DGKQ: variants seen among roughly 807,000 people sequenced by gnomAD.
DGKQ encodes diacylglycerol kinase theta, also known as DAG kinase theta.
In DGKQ, 97 loss-of-function variants were observed where a neutral mutation model predicts 104.2. The observed-to-expected ratio is 0.93, with a 90% confidence interval of 0.79 to 1.10. The LOEUF is 1.10. Among genes scored for constraint, DGKQ ranks in the 50% least tolerant of loss-of-function variants. DGKQ has a pLI of 0.00. For missense variants in DGKQ, 1,465 were observed against 1,352.1 expected (o/e 1.08, Z -1.31); for synonymous variants, 736 against 595.2 (o/e 1.24, Z -3.44).
intron 17 of DGKQ, 40 bp from the exon 18 acceptor site, chr4:962,653 C>T (rs944481463): frequency 6.3e-7 from 1 of 1,595,410 alleles, no homozygotes; most frequent in South Asian, 1.1e-5. Flanking sequence ...TCCACACCCA[C>T]CCGCCCATCA....
chr4:967,201 G>A lies in DGKQ; in HGVS notation c.1148C>T (p.Thr383Met), dbSNP rs901400251. ...AGCCCGGATGACCCAGGCCTCTGGCGTGGCCTCGCCGGACCCGGGGCTTCT... is the reference window on the plus strand; with the variant it reads ...AGCCCGGATGACCCAGGCCTCTGGCATGGCCTCGCCGGACCCGGGGCTTCT... ...EGRSPGSGEA[T>M]PEAWVIRALP... The change falls in exon 9 of 23, where the codon ACG (threonine) becomes ATG (methionine). Residue 383 changes from threonine (T) to methionine (M), a missense_variant. Physicochemically the swap from Thr to Met is moderately conservative, Grantham distance 81. Coordinates refer to ENST00000273814, the MANE Select transcript of DGKQ (RefSeq NM_001347.4). 5.6e-6 allele frequency: 9 copies of A among 1,593,288 alleles called. No individual in the cohort carries two copies. Among genetic ancestry groups the A allele is most frequent in the African/African-American group, 2.7e-5 (2 of 74,762 alleles).
At chr4:965,459 C>T (rs1237945507) in intron 14 of DGKQ, 32 bp downstream of exon 14, 1 of 1,606,312 alleles carries the variant, frequency 6.2e-7, no homozygotes. Flanking sequence ...ACCCCTGGGC[C>T]TCATGTGACC....
At chr4:964,005 G>C (rs1282185375) in intron 15 of DGKQ, 1 of 154,638 alleles carries the variant, frequency 6.5e-6, no homozygotes, top group Non-Finnish European at 1.5e-5. Flanking sequence ...GCCGTGGCTG[G>C]GGGCAAGGAC....
chr4:959,394 G>A lies in DGKQ; in HGVS notation c.*1226C>T, dbSNP rs1711691895. ...CACCGTGGGACCGTTTCTCGTGGGG[G>A]AGTCGGGGCTTCCCCACAGAGCGGG... On this transcript the variant is annotated 3_prime_UTR_variant, in exon 23 of 23. Transcript: ENST00000273814. The A allele has an allele frequency of 9.0e-6, 1 of 111,108 alleles. No homozygotes were observed. Among genetic ancestry groups the A allele is most frequent in the Admixed American group, 9.7e-5 (1 of 10,324 alleles). The allele number at this position is 111,108 out of a possible 1,614,324, so 6.9% of individuals were successfully genotyped here.
chr4:967,820 G>A lies in DGKQ; in HGVS notation c.812-18C>T, dbSNP rs1712539398. 4 of 1,582,472 alleles carry A rather than the reference G, an allele frequency of 2.5e-6. No homozygotes were observed. Among genetic ancestry groups the A allele is most frequent in the African/African-American group, 2.7e-5 (2 of 74,616 alleles). ...CCCCTCGCCTGCGGGTCGGGCACACGGACCCCTCATTCAGTGCGCAGCCCC... is the reference window on the plus strand; with the variant it reads ...CCCCTCGCCTGCGGGTCGGGCACACAGACCCCTCATTCAGTGCGCAGCCCC... On this transcript the variant is annotated intron_variant, in intron 6 of 22. Transcript: ENST00000273814.
At chr4:962,997 C>A in intron 16 of DGKQ, 77 bp from the exon 17 acceptor site, 1 of 1,529,202 alleles carries the variant, frequency 6.5e-7, no homozygotes, top group Non-Finnish European at 8.8e-7. Flanking sequence ...CTTCCAAGTG[C>A]CCGTCCTGGC....
chr4:973,155 CG>C, intron 1 of DGKQ, 56 bp downstream of exon 1: 1 of 1,431,134 alleles, frequency 7.0e-7, no homozygotes, highest in South Asian at 1.4e-5. Flanking sequence ...CTCAGGCTCC[CG>C]CCCACGGGGC....
At chr4:961,421 G>A (rs1189838707) in intron 21 of DGKQ, 46 bp downstream of exon 21, 5 of 1,541,614 alleles carry the variant, frequency 3.2e-6, no homozygotes, top group Admixed American at 1.9e-5. Context: ...GCGGGGACCG[G>A]GGACGCCCAC....
At position 961,786 on chromosome 4, in the gene DGKQ, A is replaced by G. The variant is rs763817126; in HGVS notation, c.2364T>C (p.Ser788=). The change falls in exon 20 of 23, where the codon AGT becomes AGC. Residue 788 remains serine, a synonymous_variant. Coordinates refer to ENST00000273814, the MANE Select transcript of DGKQ (RefSeq NM_001347.4). ...TCTGCTTGTGCAGGCTCCGAGAGTG[A>G]CTGATCTTCTGCAGCCCCACCCGCA... The part of the protein sequence containing the change: ...VYVRVGLQKI[S]HSRSLHKQIR... The G allele has an allele frequency of 1.9e-6, 3 of 1,610,880 alleles. No homozygotes were observed. The highest frequency in any genetic ancestry group is 1.7e-5 in the Admixed American group (1 of 59,804).
chr4:966,555 G>A (rs1378568053), intron 11 of DGKQ, 28 bp from the exon 12 acceptor site: 2 of 1,604,094 alleles, frequency 1.2e-6, no homozygotes, highest in Non-Finnish European at 1.7e-6. Context: ...CAGGCCGTCA[G>A]CACCCGGCTC....
chr4:961,157 C>T lies in DGKQ; in HGVS notation c.2619G>A (p.Gln873=), dbSNP rs754021551. Residue 873 remains glutamine, a synonymous_variant, in exon 22 of 23, where the codon CAG becomes CAA. Coordinates refer to ENST00000273814, the MANE Select transcript of DGKQ (RefSeq NM_001347.4). ...GGAGCGTGACTCGGAAGTAGGAACC[C>T]TGGGCAATCCGGATTCCGGAGCGCA... ...GGLRSGIRIA[Q]GSYFRVTLLK... 6.3e-7 allele frequency: 1 copy of T among 1,599,242 alleles called. No individual in the cohort carries two copies. Among genetic ancestry groups the T allele is most frequent in the South Asian group, 1.1e-5 (1 of 89,716 alleles).
At chr4:962,393 T>G in intron 18 of DGKQ, 42 bp downstream of exon 18, 1 of 1,517,928 alleles carries the variant, frequency 6.6e-7, no homozygotes, top group African/African-American at 1.4e-5. Context: ...CGGGGTCATA[T>G]GCAGGAGCCT....
Position 961,112 on chromosome 4 carries a change from CT to C in DGKQ, c.2663del (p.Gln888ArgfsTer14). The C allele has an allele frequency of 6.2e-7, 1 of 1,611,854 alleles. No individual in the cohort carries two copies. The highest frequency in any genetic ancestry group is 8.5e-7 in the Non-Finnish European group (1 of 1,179,470). ...CCTGGACCCAGGGCTCCCCGTCCACCTGCACCGGGGTGGCCTTGAGGAGCGT... is the reference window on the plus strand; with the variant it reads ...CCTGGACCCAGGGCTCCCCGTCCACCGCACCGGGGTGGCCTTGAGGAGCGT... ...RVTLLKATPV[Q>X]VDGEPWVQAP... On this transcript the variant is annotated frameshift_variant, in exon 22 of 23. Transcript: ENST00000273814. LOFTEE classifies it high-confidence loss of function.
chr4:961,825 G>C lies in DGKQ; in HGVS notation c.2325C>G (p.Asn775Lys). 2 of 1,600,796 alleles carry C rather than the reference G, an allele frequency of 1.2e-6. No individual in the cohort carries two copies. Among genetic ancestry groups the C allele is most frequent in the Non-Finnish European group, 1.7e-6 (2 of 1,173,572 alleles). The change falls in exon 20 of 23, where the codon AAC (asparagine) becomes AAG (lysine). Residue 775 changes from asparagine (N) to lysine (K), a missense_variant. Physicochemically the swap from Asn to Lys is moderately conservative, Grantham distance 94. Transcript: ENST00000273814. ...GCCCCACCCGCACGTACACACCCTT[G>C]TTGTGCAGCCTGCAGGACGGGGCAG... ...EPGKFTSRLH[N>K]KGVYVRVGLQ...
At position 971,321 on chromosome 4, in the gene DGKQ, G is replaced by A. The variant is rs1435775073; in HGVS notation, c.272-249C>T. The stretch of plus-strand genomic sequence containing the variant: ...ATGAGTGTATCCTCTCATCCAGAGA[G>A]CAGTCCCTCCCCTTCGCACGTAGGC... On this transcript the variant is annotated intron_variant, in intron 1 of 22. Coordinates refer to ENST00000273814, the MANE Select transcript of DGKQ (RefSeq NM_001347.4). The surrounding 1 kb of genome is among the most constrained non-coding windows in gnomAD (Gnocchi z 4.0). 3.9e-5 allele frequency among the ~76,000 whole-genome samples: 6 copies of A among 152,188 alleles called. No individual in the cohort carries two copies. In the South Asian group the frequency reaches 1.2e-3, roughly 31 times the overall value.
chr4:960,801 G>C, intron 22 of DGKQ, 80 bp from the exon 23 acceptor site: 2 of 1,552,910 alleles, frequency 1.3e-6, no homozygotes, highest in Non-Finnish European at 1.7e-6. Flanking sequence ...CGGTCCTGGG[G>C]CCCCGGGCAG....
intron 22 of DGKQ, 30 bp from the exon 23 acceptor site, chr4:960,751 G>A (rs1477670578): frequency 6.2e-7 from 1 of 1,606,846 alleles, no homozygotes; most frequent in Non-Finnish European, 8.5e-7. Context: ...AGAGGACCAG[G>A]GTGACATGGC....
At position 960,704 on chromosome 4, in the gene DGKQ, C is replaced by T; in HGVS notation, c.2745G>A (p.Lys915=). The T allele has an allele frequency of 1.2e-6, 2 of 1,612,242 alleles. No individual in the cohort carries two copies. The highest frequency in any genetic ancestry group is 8.5e-7 in the Non-Finnish European group (1 of 1,179,780). The change falls in exon 23 of 23, where the codon AAG becomes AAA. Residue 915 remains lysine, a synonymous_variant. Coordinates refer to ENST00000273814, the MANE Select transcript of DGKQ (RefSeq NM_001347.4). ...AAGPKVHMLR[K]AKQKPRRAGT... ...CGGCCCTCCTCGGCTTCTGCTTGGCCTTCCTCAGCATGTGCACCTGTCCCA... is the reference window on the plus strand; with the variant it reads ...CGGCCCTCCTCGGCTTCTGCTTGGCTTTCCTCAGCATGTGCACCTGTCCCA...
Position 965,909 on chromosome 4 carries a change from C to A in DGKQ, c.1579+19G>T. 1 of 1,578,378 alleles carries A rather than the reference C, an allele frequency of 6.3e-7. No individual in the cohort carries two copies. The highest frequency in any genetic ancestry group is 8.6e-7 in the Non-Finnish European group (1 of 1,158,906). On this transcript the variant is annotated intron_variant, in intron 13 of 22. Coordinates refer to ENST00000273814, the MANE Select transcript of DGKQ (RefSeq NM_001347.4). ...CCTGCCCCGTGCCAGCAGCCCACGG[C>A]CAGCCACAGTGGTCACACCTTTGGT...
Sources: allele counts gnomAD v4.1 joint callset (sites outside exome capture counted in the v4.1 genomes callset), GRCh38; gene constraint gnomAD v4.1.1; non-coding constraint Gnocchi (gnomAD v3.1); transcripts MANE v1.5; gene names NCBI Gene and HGNC (gene_info 2026-07-23, HGNC 2026-07-21).